RUVBL1: variants seen among roughly 807,000 people sequenced by gnomAD.
RUVBL1 encodes the protein RuvB like AAA ATPase 1.
Under a neutral mutation model 52.4 loss-of-function variants are expected in RUVBL1, and 4 were observed. The observed-to-expected ratio is 0.08, with a 90% CI of 0.04 to 0.17. The LOEUF (loss-of-function observed/expected upper bound fraction) is 0.17. Among genes scored for constraint, RUVBL1 ranks in the 10% least tolerant of loss-of-function variants. The probability of loss-of-function intolerance (pLI) is 1.00; values close to 1 mark genes in which losing one functional copy is unlikely to be tolerated. For synonymous variants in RUVBL1, 217 were observed against 214.4 expected, an observed-to-expected ratio of 1.01 and a Z score of -0.10; for missense variants, 298 against 572.8, an observed-to-expected ratio of 0.52 and a Z score of 4.90.
upstream of RUVBL1, among the ~76,000 whole-genome samples, chr3:128,125,611 G>A (rs1000400458): frequency 6.6e-6 from 1 of 152,178 alleles, no homozygotes; most frequent in Non-Finnish European, 1.5e-5. Flanking sequence ...CAGTTTTGCT[G>A]CATGTATTTT....
chr3:128,153,197 A>G, intron 1 of RUVBL1: 1 of 1,289,066 alleles, frequency 7.8e-7, no homozygotes. Context: ...CCAAGTCTCC[A>G]CTCACCCAGA....
chr3:128,134,494 TAC>T (rs1479857953), intron 1 of RUVBL1, among the ~76,000 whole-genome samples: 20 of 116,842 alleles, frequency 1.7e-4, no homozygotes, highest in Admixed American at 6.3e-4. Flanking sequence ...TATTTGAAAA[TAC>T]ACAGAGGTGG....
chr3:128,131,889 A>T (rs1039476792), intron 1 of RUVBL1, among the ~76,000 whole-genome samples: 6 of 152,208 alleles, frequency 3.9e-5, no homozygotes, highest in African/African-American at 1.4e-4. Flanking sequence ...CAGGAAACCA[A>T]ATTGAAAAAC....
chr3:128,099,295 ATCTGCCAGGAATGCCAT>A (rs1023209812), intron 6 of RUVBL1, among the ~76,000 whole-genome samples: 2 of 152,028 alleles, frequency 1.3e-5, no homozygotes, highest in African/African-American at 4.8e-5. Flanking sequence ...AGTCTATTCC[ATCTGCCAGGAATGCCAT>A]TCTCCTTCCT....
At chr3:128,085,899 C>T (rs1192957751) in intron 9 of RUVBL1, among the ~76,000 whole-genome samples, 1 of 152,242 alleles carries the variant, frequency 6.6e-6, no homozygotes, top group Non-Finnish European at 1.5e-5. Context: ...TGATTAAGAA[C>T]ACGGGTTTCC....
At chr3:128,069,530 C>G (rs1942093167) in intron 9 of RUVBL1, 6 of 1,614,004 alleles carry the variant, frequency 3.7e-6, no homozygotes, top group Middle Eastern at 1.6e-4. Flanking sequence ...CCCTCTCGGT[C>G]CTGGCTGACT....
chr3:128,140,654 T>C (rs1944008933), intron 1 of RUVBL1, among the ~76,000 whole-genome samples: 1 of 152,176 alleles, frequency 6.6e-6, no homozygotes, highest in South Asian at 2.1e-4. Flanking sequence ...CATACCGTCA[T>C]GTGTCCCATA....
chr3:128,152,639 T>C (rs1337018921), intron 1 of RUVBL1, among the ~76,000 whole-genome samples: 1 of 152,090 alleles, frequency 6.6e-6, no homozygotes, highest in African/African-American at 2.4e-5. Context: ...CTTGCTGAAA[T>C]GTATGAATGA....
chr3:128,100,034 T>C (rs1233188768), intron 6 of RUVBL1, among the ~76,000 whole-genome samples: 1 of 152,200 alleles, frequency 6.6e-6, no homozygotes. Flanking sequence ...ACGGATCAAA[T>C]TTCAAGTCAG....
chr3:128,080,720 G>A (rs367994112), downstream of RUVBL1, among the ~76,000 whole-genome samples: 17 of 152,364 alleles, frequency 1.1e-4, no homozygotes, highest in East Asian at 5.8e-4. Context: ...TCACAGCCAA[G>A]AGGCATCTAA....
intron 1 of RUVBL1, among the ~76,000 whole-genome samples, chr3:128,151,767 C>A (rs1274526880): frequency 1.3e-5 from 2 of 152,198 alleles, no homozygotes; most frequent in Admixed American, 6.5e-5. Flanking sequence ...GAGAGGGACA[C>A]AATTCAGTCT....
At chr3:128,108,641 G>A (rs1181349210) in intron 3 of RUVBL1, among the ~76,000 whole-genome samples, 1 of 151,826 alleles carries the variant, frequency 6.6e-6, no homozygotes, top group Non-Finnish European at 1.5e-5. Context: ...AGATTGCAGT[G>A]AGCCAAGATC....
At chr3:128,102,911 G>A (rs923235647) in intron 4 of RUVBL1, among the ~76,000 whole-genome samples, 10 of 152,152 alleles carry the variant, frequency 6.6e-5, no homozygotes, top group African/African-American at 2.4e-4. Flanking sequence ...GGGTGGGGAC[G>A]GCAGACCCTG....
At chr3:128,075,249 T>C (rs1032751063) in intron 9 of RUVBL1, 9 of 152,218 alleles carry the variant, frequency 5.9e-5, no homozygotes, top group Non-Finnish European at 8.8e-5. Flanking sequence ...TGAGAGGCGA[T>C]TGCCTGTAAT....
chr3:128,114,382 A>G (rs1943468092), intron 2 of RUVBL1, among the ~76,000 whole-genome samples: 1 of 152,214 alleles, frequency 6.6e-6, no homozygotes, highest in Non-Finnish European at 1.5e-5. Context: ...GAATCAGTGT[A>G]TAGCACAGTA....
intron 4 of RUVBL1, among the ~76,000 whole-genome samples, 162 bp downstream of exon 4, chr3:128,104,611 G>C (rs1370680529): frequency 6.6e-6 from 1 of 152,158 alleles, no homozygotes; most frequent in East Asian, 1.9e-4. Context: ...CCCTATGCTA[G>C]GTACCGCTTT....
At chr3:128,089,931 A>C (rs1167283996) in intron 8 of RUVBL1, among the ~76,000 whole-genome samples, 4 of 148,886 alleles carry the variant, frequency 2.7e-5, no homozygotes, top group Admixed American at 1.3e-4. Context: ...AAAAAAAAAA[A>C]AAAAAAAAAC....
At chr3:128,116,127 C>T (rs1205462496) in intron 2 of RUVBL1, among the ~76,000 whole-genome samples, 2 of 151,358 alleles carry the variant, frequency 1.3e-5, no homozygotes, top group African/African-American at 4.9e-5. Context: ...CCAGCCTGGG[C>T]GACAGACTGA....
intron 9 of RUVBL1, chr3:128,065,333 G>A (rs1020512918): frequency 5.1e-6 from 3 of 584,550 alleles, no homozygotes; most frequent in Middle Eastern, 3.1e-4. Context: ...TTCAAGAGAA[G>A]CAAAAAGTAC....
Sources: allele counts gnomAD v4.1 joint callset (sites outside exome capture counted in the v4.1 genomes callset), GRCh38; gene constraint gnomAD v4.1.1; transcripts MANE v1.5; gene names NCBI Gene and HGNC (gene_info 2026-07-23, HGNC 2026-07-21).